The following DIP2C variants were observed in gnomAD, a reference collection of about 807,000 sequenced individuals.
DIP2C encodes the protein disco-interacting protein 2 homolog C.
A neutral mutation model predicts 192.4 loss-of-function variants in DIP2C; 33 were observed. The ratio of observed to expected loss-of-function variants is 0.17; its 90% CI spans 0.13 to 0.23. The LOEUF is 0.23. Among genes scored for constraint, DIP2C ranks in the 10% least tolerant of loss-of-function variants. The pLI, the probability that DIP2C is intolerant of heterozygous loss-of-function variation, is 1.00. For synonymous variants in DIP2C, 979 were observed against 864.1 expected (o/e 1.13, Z -2.33); for missense variants, 1,537 against 2,110.1 (o/e 0.73, Z 5.32).
chr10:680,092 G>A (rs970347744), intron 1 of DIP2C, among the ~76,000 whole-genome samples: 17 of 152,112 alleles, frequency 1.1e-4, no homozygotes, highest in Non-Finnish European at 2.1e-4. Flanking sequence ...GGCCCAGCCC[G>A]GTCCCACAGC....
At chr10:543,190 C>T (rs569430446) in intron 1 of DIP2C, among the ~76,000 whole-genome samples, 3 of 152,238 alleles carry the variant, frequency 2.0e-5, no homozygotes, top group Non-Finnish European at 4.4e-5. Context: ...GAATCTTCTG[C>T]GTTAGGAATA....
chr10:294,085 C>G (rs1955626330), intron 32 of DIP2C, among the ~76,000 whole-genome samples: 1 of 152,210 alleles, frequency 6.6e-6, no homozygotes, highest in Non-Finnish European at 1.5e-5. Flanking sequence ...AATCCAAACT[C>G]TTCTGTCCAT....
At chr10:444,118 G>A (rs1967959098) in intron 3 of DIP2C, among the ~76,000 whole-genome samples, 1 of 151,612 alleles carries the variant, frequency 6.6e-6, no homozygotes, top group Admixed American at 6.6e-5. Flanking sequence ...ATTCCCCATC[G>A]TCACATGGAC....
intron 1 of DIP2C, among the ~76,000 whole-genome samples, chr10:508,144 T>C (rs1588336213): frequency 6.6e-6 from 1 of 152,144 alleles, no homozygotes; most frequent in South Asian, 2.1e-4. Flanking sequence ...GAGGAGCTCG[T>C]GCAGCCAGGC....
chr10:548,211 C>CCG (rs1554897800), intron 1 of DIP2C, among the ~76,000 whole-genome samples: 2 of 108,326 alleles, frequency 1.8e-5, no homozygotes, highest in African/African-American at 6.5e-5. Flanking sequence ...CTGCCCCACC[C>CCG]CCCCCCCCAC....
intron 31 of DIP2C, 64 bp from the exon 32 acceptor site, chr10:310,156 T>C: frequency 7.1e-7 from 1 of 1,413,464 alleles, no homozygotes; most frequent in East Asian, 2.3e-5. Flanking sequence ...TCTGTGCTTC[T>C]ACTAGTTAGG....
At chr10:315,300 T>C (rs181052929) in intron 31 of DIP2C, among the ~76,000 whole-genome samples, 19 of 152,374 alleles carry the variant, frequency 1.2e-4, no homozygotes, top group Admixed American at 4.6e-4. Flanking sequence ...AAACGTTTTC[T>C]TGTATTTACT....
intron 32 of DIP2C, among the ~76,000 whole-genome samples, chr10:293,988 C>T (rs1274203073): frequency 6.6e-6 from 1 of 152,186 alleles, no homozygotes; most frequent in Non-Finnish European, 1.5e-5. Context: ...ATGTTTTCAT[C>T]TAACCTAACC....
intron 3 of DIP2C, among the ~76,000 whole-genome samples, chr10:453,693 T>C (rs1286300888): frequency 6.6e-6 from 1 of 152,110 alleles, no homozygotes; most frequent in African/African-American, 2.4e-5. Flanking sequence ...AAGAAGCAGA[T>C]GCATAAATAC....
intron 7 of DIP2C, 130 bp downstream of exon 7, chr10:415,639 G>C: frequency 3.1e-6 from 4 of 1,270,520 alleles, no homozygotes; most frequent in Non-Finnish European, 4.4e-6. Flanking sequence ...TCCCTACCTG[G>C]GTTCCCATCA....
intron 28 of DIP2C, among the ~76,000 whole-genome samples, chr10:343,376 C>T (rs1314447567): frequency 6.6e-6 from 1 of 152,200 alleles, no homozygotes; most frequent in Admixed American, 6.5e-5. Context: ...CTTGTAATAA[C>T]TGGGGAAATC....
intron 1 of DIP2C, among the ~76,000 whole-genome samples, chr10:585,650 C>T (rs1454230498): frequency 6.6e-6 from 1 of 152,160 alleles, no homozygotes; most frequent in Non-Finnish European, 1.5e-5. Context: ...CACCGGCGTC[C>T]TGCAGGGGCC....
intron 3 of DIP2C, among the ~76,000 whole-genome samples, chr10:448,343 G>C (rs1294935989): frequency 7.4e-6 from 1 of 135,414 alleles, no homozygotes; most frequent in African/African-American, 3.3e-5. Flanking sequence ...ATCACACACA[G>C]TGGGGCAGCA....
At chr10:328,511 A>T (rs917970956) in intron 30 of DIP2C, among the ~76,000 whole-genome samples, 2 of 152,252 alleles carry the variant, frequency 1.3e-5, no homozygotes, top group Non-Finnish European at 2.9e-5. Context: ...GGTTATTTAT[A>T]TATGTGCCAA....
rs143143415 is a variant in DIP2C, at chr10:599,426, A to T, written c.85+90068T>A. Among the ~76,000 whole-genome samples the T allele has an allele frequency of 3.9e-4, 60 of 152,330 alleles. No homozygotes were observed. The East Asian group carries it at 0.01, about 25-fold the overall frequency. On this transcript the variant is annotated intron_variant, in intron 1 of 36. Coordinates refer to ENST00000280886, the MANE Select transcript of DIP2C (RefSeq NM_014974.3). ...AATTCAGAGTTGCAGATTAAACATC[A>T]AGATACAACTGAACCCTTACTAGAC...
chr10:487,533 A>G (rs1262906531), intron 1 of DIP2C, among the ~76,000 whole-genome samples: 1 of 149,950 alleles, frequency 6.7e-6, no homozygotes, highest in Non-Finnish European at 1.5e-5. Flanking sequence ...CAAGAACCAA[A>G]TGACACGGAA....
In DIP2C at chr10:503,004, T is replaced by G. The variant is rs1222701624; in HGVS notation, c.86-16474A>C. On this transcript the variant is annotated intron_variant, in intron 1 of 36. Coordinates refer to ENST00000280886, the MANE Select transcript of DIP2C (RefSeq NM_014974.3). Reference sequence around the variant, plus strand: ...GCAGGACACCGACCTGCAGACTTATTACAATTCCAGCATAAATTCCGCCAG... The same window carrying G: ...GCAGGACACCGACCTGCAGACTTATGACAATTCCAGCATAAATTCCGCCAG... Among the ~76,000 whole-genome samples the G allele has an allele frequency of 2.1e-5, 3 of 142,528 alleles. No individual in the cohort carries two copies. The Admixed American group carries it at 2.1e-4, about 10-fold the overall frequency. The allele number at this position is 142,528 out of a possible 152,430, so 93.5% of individuals were successfully genotyped here. A position where few individuals can be genotyped will look rare whatever the true frequency, so the allele number is the denominator to read the frequency against.
In DIP2C at chr10:423,052, G is replaced by A; in HGVS notation, c.395-19C>T. ...GAGGTATCTGTGTAAGAAGAAAGGT[G>A]ATTTGCTGTATGTTGCAGCAAAAAC... is the stretch of plus-strand genomic sequence containing the variant. On this transcript the variant is annotated intron_variant, in intron 4 of 36. Coordinates refer to ENST00000280886, the MANE Select transcript of DIP2C (RefSeq NM_014974.3). The A allele has an allele frequency of 1.9e-6, 3 of 1,578,742 alleles. No individual in the cohort carries two copies. The highest frequency in any genetic ancestry group is 2.6e-6 in the Non-Finnish European group (3 of 1,159,312).
At chr10:588,237 C>T (rs1197011083) in intron 1 of DIP2C, among the ~76,000 whole-genome samples, 5 of 151,250 alleles carry the variant, frequency 3.3e-5, no homozygotes, top group Non-Finnish European at 5.9e-5. Context: ...GGAAACCCCA[C>T]ATCCACACCA....
Sources: gnomAD v4.1 joint callset for allele counts (sites outside exome capture counted in the v4.1 genomes callset) on GRCh38, gnomAD v4.1.1 for gene constraint, MANE v1.5 for transcripts, NCBI Gene and HGNC (gene_info 2026-07-23, HGNC 2026-07-21) for gene names.